MSH3: variants seen among roughly 807,000 people sequenced by gnomAD.
The protein encoded by MSH3 is DNA mismatch repair protein Msh3.
A neutral mutation model predicts 123.3 loss-of-function variants in MSH3; 106 were observed. The observed-to-expected ratio is 0.86, with a 90% CI of 0.73 to 1.01. The LOEUF is 1.01. Among genes scored for constraint, MSH3 ranks in the 50% least tolerant of loss-of-function variants. The pLI is 0.00. For synonymous variants in MSH3, 515 were observed against 481.4 expected, an observed-to-expected ratio of 1.07 and a Z score of -0.91; for missense variants, 1,459 against 1,347.6, an observed-to-expected ratio of 1.08 and a Z score of -1.29.
At chr5:80,703,428 T>C (rs1290495433) in intron 8 of MSH3, among the ~76,000 whole-genome samples, 2 of 152,214 alleles carry the variant, frequency 1.3e-5, no homozygotes, top group Non-Finnish European at 2.9e-5. Context: ...ACAGAATTTC[T>C]ATTGCTTCTG....
intron 3 of MSH3, among the ~76,000 whole-genome samples, chr5:80,667,614 C>G (rs1272931026): frequency 6.6e-6 from 1 of 152,202 alleles, no homozygotes; most frequent in African/African-American, 2.4e-5. Flanking sequence ...ACCATGGGGT[C>G]TGGCCCCTGT....
intron 20 of MSH3, among the ~76,000 whole-genome samples, chr5:80,828,663 A>T (rs976014852): frequency 2.0e-5 from 3 of 152,222 alleles, no homozygotes; most frequent in African/African-American, 7.2e-5. Flanking sequence ...CTTCCAAAAT[A>T]AATGGTGGGA....
intron 12 of MSH3, among the ~76,000 whole-genome samples, chr5:80,751,041 G>A (rs73765869): frequency 0.023 from 3,436 of 151,982 alleles, 120 homozygotes; most frequent in African/African-American, 0.078. Context: ...AATATGCATG[G>A]GGCTCTTACA....
rs1185376945 is a variant in MSH3 at position 80,864,739 on chromosome 5, G to GA, written c.3001-71dup. The GA allele has an allele frequency of 2.2e-6, 3 of 1,393,090 alleles. No individual in the cohort carries two copies. In the South Asian group the frequency reaches 3.8e-5, roughly 18 times the overall value. 86.3% of individuals were successfully genotyped at this position (1,393,090 alleles called of 1,614,324 possible). On this transcript the variant is annotated intron_variant, in intron 21 of 23. Transcript: ENST00000265081. ...TAGGAAGATTTAAAATTTTTCAAAA[G>GA]AAAGTGGAAGACAGATTTTAATTAC...
At chr5:80,828,694 T>C (rs1037183847) in intron 20 of MSH3, among the ~76,000 whole-genome samples, 4 of 152,132 alleles carry the variant, frequency 2.6e-5, no homozygotes, top group African/African-American at 9.7e-5. Context: ...ACATTCTCAT[T>C]TCATAAGGGA....
chr5:80,767,519 T>G (rs1744143173), intron 13 of MSH3, among the ~76,000 whole-genome samples: 1 of 152,190 alleles, frequency 6.6e-6, no homozygotes, highest in Non-Finnish European at 1.5e-5. Context: ...CATATTCAGT[T>G]TGTTTAGCCA....
intron 16 of MSH3, among the ~76,000 whole-genome samples, chr5:80,777,381 C>G (rs916482543): frequency 6.6e-6 from 1 of 151,544 alleles, no homozygotes; most frequent in Non-Finnish European, 1.5e-5. Flanking sequence ...TTTCCTTTAT[C>G]TGTTTTTGTC....
At chr5:80,719,589 C>T (rs146468015) in intron 8 of MSH3, among the ~76,000 whole-genome samples, 82 of 152,224 alleles carry the variant, frequency 5.4e-4, no homozygotes, top group African/African-American at 1.2e-3. Context: ...TGCTTTATCC[C>T]ACATTACTGA....
chr5:80,738,097 A>G (rs1743545795), intron 10 of MSH3, among the ~76,000 whole-genome samples: 1 of 152,188 alleles, frequency 6.6e-6, no homozygotes, highest in Non-Finnish European at 1.5e-5. Context: ...AAAATAACCT[A>G]TACCTTTGCT....
intron 2 of MSH3, among the ~76,000 whole-genome samples, chr5:80,657,851 G>A (rs1220764199): frequency 7.3e-6 from 1 of 137,148 alleles, no homozygotes; most frequent in Non-Finnish European, 1.7e-5. Context: ...GGTCATGCAA[G>A]GAGGCGTGAC....
At chr5:80,735,145 AG>A (rs1743481372) in intron 10 of MSH3, among the ~76,000 whole-genome samples, 1 of 152,090 alleles carries the variant, frequency 6.6e-6, no homozygotes, top group Non-Finnish European at 1.5e-5. Flanking sequence ...GCACTTTGGG[AG>A]GGTGAGGTGG....
intron 8 of MSH3, among the ~76,000 whole-genome samples, chr5:80,698,469 A>G (rs1750533522): frequency 6.6e-6 from 1 of 152,200 alleles, no homozygotes; most frequent in Non-Finnish European, 1.5e-5. Context: ...AGTTACTGGC[A>G]GCCCTTGAGC....
At chr5:80,702,172 C>T (rs925003095) in intron 8 of MSH3, among the ~76,000 whole-genome samples, 7 of 152,138 alleles carry the variant, frequency 4.6e-5, no homozygotes, top group African/African-American at 7.2e-5. Context: ...CAGAATGCTC[C>T]GTGACCAGGT....
At chr5:80,721,805 A>G (rs1431039557) in intron 8 of MSH3, among the ~76,000 whole-genome samples, 2 of 152,248 alleles carry the variant, frequency 1.3e-5, no homozygotes, top group African/African-American at 2.4e-5. Flanking sequence ...GCAAAAAATT[A>G]CAAATGTGTG....
At chr5:80,787,522 T>A in intron 17 of MSH3, 43 bp from the exon 18 acceptor site, 1 of 1,234,946 alleles carries the variant, frequency 8.1e-7, no homozygotes. Flanking sequence ...AGGTTTAAGA[T>A]ATCAGTTTGC....
chr5:80,842,855 G>A (rs968547695), intron 20 of MSH3, among the ~76,000 whole-genome samples: 4 of 152,102 alleles, frequency 2.6e-5, no homozygotes, highest in South Asian at 4.1e-4. Flanking sequence ...TGCAAACAGG[G>A]ACAATTTGAC....
intron 17 of MSH3, among the ~76,000 whole-genome samples, chr5:80,779,178 A>G (rs1744364811): frequency 6.6e-6 from 1 of 151,802 alleles, no homozygotes; most frequent in Non-Finnish European, 1.5e-5. Context: ...TTTTTAGTAG[A>G]GACGGGATTT....
intron 20 of MSH3, among the ~76,000 whole-genome samples, chr5:80,826,869 T>C (rs1745323457): frequency 6.6e-6 from 1 of 152,128 alleles, no homozygotes; most frequent in Non-Finnish European, 1.5e-5. Context: ...TTTATCTGAA[T>C]ACTATAACCT....
intron 18 of MSH3, among the ~76,000 whole-genome samples, chr5:80,789,874 C>T (rs1744578984): frequency 6.6e-6 from 1 of 151,900 alleles, no homozygotes; most frequent in African/African-American, 2.4e-5. Context: ...AATGAATCAC[C>T]AAGAAACTGA....
Sources: allele counts gnomAD v4.1 joint callset (sites outside exome capture counted in the v4.1 genomes callset), GRCh38; gene constraint gnomAD v4.1.1; transcripts MANE v1.5; gene names NCBI Gene and HGNC (gene_info 2026-07-23, HGNC 2026-07-21).